The following NBEA variants were observed in gnomAD, a reference collection of about 807,000 sequenced individuals.
NBEA encodes the protein neurobeachin.
Under a neutral mutation model 343.4 loss-of-function variants are expected in NBEA, and 44 were observed. The observed-to-expected ratio is 0.13, with a 90% confidence interval of 0.10 to 0.16. The LOEUF is 0.16. Among genes scored for constraint, NBEA ranks in the 10% least tolerant of loss-of-function variants. The pLI, the probability that NBEA is intolerant of heterozygous loss-of-function variation, is 1.00. For synonymous variants in NBEA, 1,175 were observed against 1,238.7 expected, an observed-to-expected ratio of 0.95 and a Z score of 1.08; for missense variants, 2,555 against 3,631.3, an observed-to-expected ratio of 0.70 and a Z score of 7.62.
chr13:35,460,057 T>A (rs916189839), intron 40 of NBEA, among the ~76,000 whole-genome samples: 1 of 152,208 alleles, frequency 6.6e-6, no homozygotes, highest in Non-Finnish European at 1.5e-5. Flanking sequence ...ATATTTAGTT[T>A]TATTTCATTT....
chr13:35,211,962 A>C (rs1015505955), intron 33 of NBEA, among the ~76,000 whole-genome samples: 2 of 152,106 alleles, frequency 1.3e-5, no homozygotes, highest in Non-Finnish European at 2.9e-5. Flanking sequence ...CCTAGAAGAG[A>C]CTGGCCCTCA....
At chr13:34,979,528 A>C (rs903050050) in intron 1 of NBEA, among the ~76,000 whole-genome samples, 24 of 152,090 alleles carry the variant, frequency 1.6e-4, no homozygotes, top group Non-Finnish European at 4.4e-5. Context: ...TCAAAGAAAA[A>C]AAAAAGAAAA....
chr13:35,599,172 G>C (rs1395853468), intron 47 of NBEA, among the ~76,000 whole-genome samples: 1 of 152,016 alleles, frequency 6.6e-6, no homozygotes, highest in East Asian at 1.9e-4. Flanking sequence ...ACCCCACCAG[G>C]CTCCTCACCA....
intron 1 of NBEA, among the ~76,000 whole-genome samples, chr13:34,970,294 A>T (rs1402343514): frequency 2.0e-5 from 3 of 152,042 alleles, no homozygotes; most frequent in Non-Finnish European, 2.9e-5. Flanking sequence ...GATGCTGGAT[A>T]TGAGACCTTT....
chr13:35,160,271 C>A (rs2069465069), intron 22 of NBEA, among the ~76,000 whole-genome samples: 1 of 152,046 alleles, frequency 6.6e-6, no homozygotes, highest in African/African-American at 2.4e-5. Context: ...CTCTCTGGGC[C>A]TAAGTTTCCT....
At chr13:34,989,751 G>A (rs546726508) in intron 1 of NBEA, among the ~76,000 whole-genome samples, 3 of 150,618 alleles carry the variant, frequency 2.0e-5, no homozygotes, top group Admixed American at 1.3e-4. Context: ...ACTCATTCTA[G>A]CATTAACTCA....
At chr13:35,428,163 C>A (rs2044833573) in intron 38 of NBEA, among the ~76,000 whole-genome samples, 1 of 152,162 alleles carries the variant, frequency 6.6e-6, no homozygotes, top group East Asian at 1.9e-4. Flanking sequence ...TCTGGCACAC[C>A]CCAGTGAGAT....
chr13:35,645,508 T>C (rs2084183298), intron 49 of NBEA, among the ~76,000 whole-genome samples: 1 of 152,198 alleles, frequency 6.6e-6, no homozygotes. Flanking sequence ...AAATTATTTC[T>C]ATTCCTTGGA....
chr13:35,415,702 G>A (rs1396908600), intron 38 of NBEA, among the ~76,000 whole-genome samples: 1 of 152,070 alleles, frequency 6.6e-6, no homozygotes, highest in African/African-American at 2.4e-5. Context: ...GCTTAGGATT[G>A]ACTTGGCGAT....
intron 36 of NBEA, among the ~76,000 whole-genome samples, chr13:35,325,962 C>T (rs1469558364): frequency 6.6e-6 from 1 of 151,998 alleles, no homozygotes; most frequent in East Asian, 1.9e-4. Flanking sequence ...AGTCAGATGC[C>T]TGTAGGTGTA....
intron 10 of NBEA, among the ~76,000 whole-genome samples, chr13:35,071,163 C>T (rs774040619): frequency 7.2e-5 from 11 of 151,926 alleles, no homozygotes; most frequent in Non-Finnish European, 1.6e-4. Flanking sequence ...TTTGCATATA[C>T]TCATGGTTTG....
intron 8 of NBEA, among the ~76,000 whole-genome samples, chr13:35,061,773 C>A (rs1456801515): frequency 1.3e-5 from 2 of 151,694 alleles, no homozygotes; most frequent in African/African-American, 4.8e-5. Context: ...TCCTAACAAA[C>A]TGATCTTCTC....
intron 38 of NBEA, among the ~76,000 whole-genome samples, chr13:35,356,773 G>C (rs557490125): frequency 2.0e-4 from 31 of 152,020 alleles, no homozygotes; most frequent in Non-Finnish European, 7.4e-5. Context: ...CTCCACCACA[G>C]CCACCCTGGC....
At chr13:35,308,335 A>G (rs2037038359) in intron 35 of NBEA, among the ~76,000 whole-genome samples, 1 of 149,952 alleles carries the variant, frequency 6.7e-6, no homozygotes. Flanking sequence ...ATGACTGGTC[A>G]ATAAAGATTT....
intron 41 of NBEA, among the ~76,000 whole-genome samples, chr13:35,491,764 A>G (rs2076508612): frequency 6.6e-6 from 1 of 151,940 alleles, no homozygotes; most frequent in African/African-American, 2.4e-5. Context: ...GCTTCTCACT[A>G]ATATTCCTCT....
In NBEA at chr13:35,476,039, C is replaced by A; in HGVS notation, c.6585+3503C>A. The A allele has an allele frequency of 9.9e-6, 16 of 1,614,202 alleles. No individual in the cohort carries two copies. The highest frequency in any genetic ancestry group is 2.2e-5 in the East Asian group (1 of 44,876). ...AGTACGTCGGAAACTACTTTGCAGA[C>A]TTCCCGGATAGTTTTGGCAATGGCA... On this transcript the variant is annotated intron_variant, in intron 41 of 58. Transcript: ENST00000379939.
At chr13:35,457,881 A>C (rs1417990736) in intron 40 of NBEA, among the ~76,000 whole-genome samples, 1 of 151,252 alleles carries the variant, frequency 6.6e-6, no homozygotes, top group Admixed American at 6.6e-5. Flanking sequence ...TGCTGGGATC[A>C]CAGGCGTGAG....
At chr13:35,134,701 G>A (rs1304886136) in intron 17 of NBEA, among the ~76,000 whole-genome samples, 1 of 151,900 alleles carries the variant, frequency 6.6e-6, no homozygotes, top group African/African-American at 2.4e-5. Context: ...GTACAATAAA[G>A]TAAAGTAGGA....
At chr13:35,033,659 G>T (rs1363005585) in intron 1 of NBEA, among the ~76,000 whole-genome samples, 2 of 151,408 alleles carry the variant, frequency 1.3e-5, no homozygotes, top group Non-Finnish European at 3.0e-5. Flanking sequence ...TTTCTATTTT[G>T]GGTGTCCTCT....
Sources: gnomAD v4.1 joint callset for allele counts (sites outside exome capture counted in the v4.1 genomes callset) on GRCh38, gnomAD v4.1.1 for gene constraint, MANE v1.5 for transcripts, NCBI Gene and HGNC (gene_info 2026-07-23, HGNC 2026-07-21) for gene names.